The following BAZ2B variants were observed in gnomAD, a reference collection of about 807,000 sequenced individuals.
BAZ2B encodes bromodomain adjacent to zinc finger domain protein 2B.
BAZ2B carries 91 observed loss-of-function variants against 246.0 expected under a neutral mutation model. The observed-to-expected ratio is 0.37, with a 90% CI of 0.31 to 0.44. The LOEUF (loss-of-function observed/expected upper bound fraction) is 0.44. Among genes scored for constraint, BAZ2B ranks in the 20% least tolerant of loss-of-function variants. The pLI is 1.00. For missense variants in BAZ2B, 2,332 were observed against 2,533.7 expected (o/e 0.92, Z 1.71); for synonymous variants, 855 against 860.0 (o/e 0.99, Z 0.10).
chr2:159,653,088 C>T, the BAZ2B span, among the ~76,000 whole-genome samples: 1 of 152,038 alleles, frequency 6.6e-6, no homozygotes, highest in African/African-American at 2.4e-5. Flanking sequence ...CAGGCGCACG[C>T]CACCATACTT....
chr2:159,708,253 C>T, the BAZ2B span, among the ~76,000 whole-genome samples: 4 of 151,478 alleles, frequency 2.6e-5, no homozygotes, highest in African/African-American at 7.3e-5. Context: ...ATGATGGTAC[C>T]GCCGGGTACT....
chr2:159,482,135 C>CAAA (rs35050934), intron 2 of BAZ2B, among the ~76,000 whole-genome samples: 3 of 143,682 alleles, frequency 2.1e-5, no homozygotes, highest in Non-Finnish European at 4.6e-5. Context: ...AAAAAACAAA[C>CAAA]AAAAAAAAAA....
intron 1 of BAZ2B, among the ~76,000 whole-genome samples, chr2:159,595,068 T>C (rs969660061): frequency 1.3e-5 from 2 of 152,066 alleles, no homozygotes; most frequent in African/African-American, 2.4e-5. Context: ...CTAAGCAAAA[T>C]ACTGAAACAT....
rs763468095 is a variant in BAZ2B at position 159,337,442 on chromosome 2, A to T, written c.5660+125T>A. 16 of 1,580,468 alleles carry T rather than the reference A, an allele frequency of 1.0e-5. No individual in the cohort carries two copies. In the East Asian group the frequency reaches 3.4e-4, roughly 33 times the overall value. On this transcript the variant is annotated intron_variant, in intron 32 of 36. Transcript: ENST00000392783. ...AGCAAAGAAGCACAATAATTTTTCA[A>T]GTTAATCTCAATAACCTACCCGTCA...
At chr2:159,478,764 AT>A in intron 2 of BAZ2B, 43 bp from the exon 3 acceptor site, 2 of 1,387,884 alleles carry the variant, frequency 1.4e-6, no homozygotes, top group African/African-American at 1.5e-5. Flanking sequence ...CAGATAAAAA[AT>A]TTTTTCAAAA....
the BAZ2B span, among the ~76,000 whole-genome samples, chr2:159,672,608 T>C: frequency 6.6e-6 from 1 of 152,164 alleles, no homozygotes; most frequent in Non-Finnish European, 1.5e-5. Context: ...AGCATCTACT[T>C]TATTCTTTTG....
chr2:159,478,675 A>G lies in BAZ2B; in HGVS notation c.45T>C (p.Thr15=). 1 of 1,607,288 alleles carries G rather than the reference A, an allele frequency of 6.2e-7. No individual in the cohort carries two copies. The highest frequency in any genetic ancestry group is 8.5e-7 in the Non-Finnish European group (1 of 1,176,212). ...ERLPSSAASS[T]TPTSSSTPSV... ...AAGGTGTCGAAGATGAAGTTGGTGT[A>G]GTAGAGGAGGCTGCTGAGGATGGTA... Residue 15 remains threonine, a synonymous_variant, in exon 3 of 37, where the codon ACT becomes ACC. Transcript: ENST00000392783.
rs553590024 is a variant in BAZ2B, at chr2:159,332,545, C to A, written c.5938G>T (p.Ala1980Ser). 2.5e-6 allele frequency: 4 copies of A among 1,612,580 alleles called. No individual in the cohort carries two copies. The African/African-American group carries it at 4.0e-5, about 16-fold the overall frequency. Residue 1980 changes from alanine (A) to serine (S), a missense_variant, in exon 34 of 37, where the codon GCT (alanine) becomes TCT (serine). Around this residue, in one of 9 missense-constraint regions of BAZ2B, gnomAD observed 210 missense variants for 232.5 expected, o/e 0.90. Coordinates refer to ENST00000392783, the MANE Select transcript of BAZ2B (RefSeq NM_013450.4). Reference sequence around the variant, plus strand: ...TAGTTTTAGATTGGTCTTACCTTAGCAATGCAAGCTGGACAAAACCAGTCT... The same window carrying A: ...TAGTTTTAGATTGGTCTTACCTTAGAAATGCAAGCTGGACAAAACCAGTCT... The part of the protein sequence containing the change: ...DGDWFCPACI[A>S]KASGQTLKIK...
the BAZ2B span, among the ~76,000 whole-genome samples, chr2:159,658,712 T>C: frequency 1.3e-5 from 2 of 151,982 alleles, no homozygotes; most frequent in Admixed American, 1.3e-4. Flanking sequence ...AGAGATGGAG[T>C]TTTACCATGT....
At chr2:159,482,839 C>G (rs559895489) in intron 2 of BAZ2B, among the ~76,000 whole-genome samples, 25 of 152,254 alleles carry the variant, frequency 1.6e-4, no homozygotes, top group African/African-American at 4.8e-4. Context: ...TGCAGAAACT[C>G]ATTTATTCAT....
At chr2:159,701,318 GTTC>G in the BAZ2B span, among the ~76,000 whole-genome samples, 3 of 151,922 alleles carry the variant, frequency 2.0e-5, no homozygotes, top group Non-Finnish European at 4.4e-5. Context: ...AACAGAATCT[GTTC>G]TTTTTTTATT....
At chr2:159,563,231 T>C (rs1048084660) in intron 1 of BAZ2B, among the ~76,000 whole-genome samples, 1 of 152,154 alleles carries the variant, frequency 6.6e-6, no homozygotes, top group Non-Finnish European at 1.5e-5. Context: ...TAGAATAATT[T>C]CATCACAAAC....
chr2:159,450,726 T>TTAAA (rs1231849199), intron 4 of BAZ2B, among the ~76,000 whole-genome samples: 3 of 149,432 alleles, frequency 2.0e-5, no homozygotes, highest in Non-Finnish European at 3.0e-5. Flanking sequence ...AACAGCATAG[T>TTAAA]AGCAACATTT....
intron 33 of BAZ2B, among the ~76,000 whole-genome samples, chr2:159,334,627 A>G (rs908293290): frequency 6.6e-6 from 1 of 152,212 alleles, no homozygotes; most frequent in African/African-American, 2.4e-5. Flanking sequence ...TGTATTATTA[A>G]GCATTTTAAA....
the BAZ2B span, among the ~76,000 whole-genome samples, chr2:159,623,170 G>C: frequency 6.6e-6 from 1 of 151,212 alleles, no homozygotes; most frequent in Non-Finnish European, 1.5e-5. Context: ...AGGAGGGAAG[G>C]AGGGAAGGAA....
rs566098472 is a variant in BAZ2B, at chr2:159,557,462, T to C, written c.-45-1597A>G. ...GACTGCATTTCCTGCTTCTACCATG[T>C]TCCAGTCACAATCACCCTTTTGATA... On this transcript the variant is annotated intron_variant, in intron 1 of 36. Transcript: ENST00000392783. Among the ~76,000 whole-genome samples, 41 of 152,284 alleles carry C rather than the reference T, an allele frequency of 2.7e-4. No homozygotes were observed. The South Asian group carries it at 6.4e-3, about 24-fold the overall frequency.
chr2:159,578,168 A>G (rs938053782), intron 1 of BAZ2B, among the ~76,000 whole-genome samples: 1 of 152,200 alleles, frequency 6.6e-6, no homozygotes. Flanking sequence ...ATTCAAAGCA[A>G]AAGGAACAAC....
intron 27 of BAZ2B, among the ~76,000 whole-genome samples, chr2:159,352,571 G>A (rs572518024): frequency 4.0e-5 from 6 of 150,592 alleles, no homozygotes; most frequent in South Asian, 2.1e-4. Flanking sequence ...CTGCAACCTC[G>A]ACCTACCAAG....
intron 2 of BAZ2B, among the ~76,000 whole-genome samples, chr2:159,490,627 C>T (rs780995379): frequency 6.6e-6 from 1 of 152,152 alleles, no homozygotes; most frequent in African/African-American, 2.4e-5. Flanking sequence ...CTCAAGCAGT[C>T]CTCCCACCTG....
Sources: gnomAD v4.1 joint callset for allele counts (sites outside exome capture counted in the v4.1 genomes callset) on GRCh38, gnomAD v4.1.1 for gene constraint, gnomAD v4.1.1 regional missense constraint, MANE v1.5 for transcripts, NCBI Gene and HGNC (gene_info 2026-07-23, HGNC 2026-07-21) for gene names.